Variants in MINPP1 observed in about 807,000 individuals in gnomAD.
The protein encoded by MINPP1 is multiple inositol-polyphosphate phosphatase 1, also known as multiple inositol polyphosphate phosphatase 1.
A neutral mutation model predicts 46.1 loss-of-function variants in MINPP1; 28 were observed. The ratio of observed to expected loss-of-function variants is 0.61; its 90% CI spans 0.45 to 0.83. The LOEUF (loss-of-function observed/expected upper bound fraction) is 0.83. MINPP1 is among the 40% of genes least tolerant of loss of function. The pLI, the probability that MINPP1 is intolerant of heterozygous loss-of-function variation, is 0.00. For missense variants in MINPP1, 603 were observed against 610.0 expected (o/e 0.99, Z 0.12); for synonymous variants, 268 against 249.1 (o/e 1.08, Z -0.72).
intron 4 of MINPP1, among the ~76,000 whole-genome samples, chr10:87,534,133 A>G (rs1047087391): frequency 1.4e-5 from 2 of 138,614 alleles, no homozygotes; most frequent in Admixed American, 8.3e-5. Flanking sequence ...GCTCACTGCA[A>G]CCTCTACCTC....
At chr10:87,516,890 G>A (rs1013964880) in intron 3 of MINPP1, among the ~76,000 whole-genome samples, 1 of 152,082 alleles carries the variant, frequency 6.6e-6, no homozygotes, top group Admixed American at 6.6e-5. Context: ...CTAAGAAACA[G>A]TTTAGCTTTA....
At chr10:87,541,705 T>C (rs1851817755) in intron 4 of MINPP1, among the ~76,000 whole-genome samples, 1 of 152,138 alleles carries the variant, frequency 6.6e-6, no homozygotes, top group Non-Finnish European at 1.5e-5. Context: ...CTTACAGTCA[T>C]GGTGGAAGAG....
intron 3 of MINPP1, 50 bp downstream of exon 3, chr10:87,513,271 GGCTT>G (rs778659368): frequency 9.2e-6 from 13 of 1,405,882 alleles, no homozygotes; most frequent in Non-Finnish European, 1.2e-5. Flanking sequence ...AATTTTTTTT[GGCTT>G]GCTTGTTTGC....
chr10:87,523,839 A>T (rs1275362416), intron 4 of MINPP1, among the ~76,000 whole-genome samples: 1 of 152,204 alleles, frequency 6.6e-6, no homozygotes, highest in Non-Finnish European at 1.5e-5. Context: ...TAATATTTTG[A>T]AAGGAATCTT....
rs776419553 is a variant in MINPP1 at position 87,521,152 on chromosome 10, A to G, written c.1050A>G (p.Ala350=). The change falls in exon 4 of 5, where the codon GCA becomes GCG. Residue 350 remains alanine, a synonymous_variant. Coordinates refer to ENST00000371996, the MANE Select transcript of MINPP1 (RefSeq NM_004897.5). The part of the protein sequence containing the change: ...FQDIFQHLDK[A]VEQKQRSQPI... ...ATATCTTTCAGCACTTGGACAAAGC[A>G]GTTGAACAGAAACAAAGGTAAGAAC... 14 of 1,611,746 alleles carry G rather than the reference A, an allele frequency of 8.7e-6. No homozygotes were observed. The highest frequency in any genetic ancestry group is 2.2e-5 in the East Asian group (1 of 44,750).
chr10:87,534,839 A>G (rs553923245), intron 4 of MINPP1, among the ~76,000 whole-genome samples: 2 of 152,360 alleles, frequency 1.3e-5, no homozygotes, highest in Admixed American at 6.5e-5. Flanking sequence ...CAGAGATTCT[A>G]TGGAAGAAAT....
intron 2 of MINPP1, among the ~76,000 whole-genome samples, chr10:87,509,912 A>G (rs1041082385): frequency 7.2e-5 from 11 of 152,192 alleles, no homozygotes; most frequent in African/African-American, 2.7e-4. Context: ...ATTTTTTAAA[A>G]CTATGTTTAG....
Position 87,538,676 on chromosome 10 carries a change from A to C in MINPP1, c.1068-13406A>C, listed in dbSNP as rs573672604. 4.6e-5 allele frequency among the ~76,000 whole-genome samples: 7 copies of C among 152,300 alleles called. No homozygotes were observed. In the South Asian group the frequency reaches 8.3e-4, roughly 18 times the overall value. ...ATTAGATGTGGAAGACTTAACAACAAATTTTTTTCTGGTAATTTTCTTCCC... is the reference window on the plus strand; with the variant it reads ...ATTAGATGTGGAAGACTTAACAACACATTTTTTTCTGGTAATTTTCTTCCC... On this transcript the variant is annotated intron_variant, in intron 4 of 4. Transcript: ENST00000371996.
intron 2 of MINPP1, among the ~76,000 whole-genome samples, chr10:87,511,546 A>G (rs1719819299): frequency 6.6e-6 from 1 of 152,208 alleles, no homozygotes; most frequent in Non-Finnish European, 1.5e-5. Context: ...GTCATAACAG[A>G]TAAGTCAGAG....
chr10:87,507,879 GTAAAGTAA>G, intron 1 of MINPP1: 1 of 1,098,108 alleles, frequency 9.1e-7, no homozygotes, highest in Non-Finnish European at 1.1e-6. Flanking sequence ...CAGAATCTTT[GTAAAGTAA>G]TACAGAGTTG....
intron 2 of MINPP1, among the ~76,000 whole-genome samples, chr10:87,512,136 C>G (rs1210574999): frequency 1.3e-5 from 2 of 152,088 alleles, no homozygotes; most frequent in Non-Finnish European, 2.9e-5. Flanking sequence ...AAATATCACC[C>G]ACTTCTCATT....
intron 4 of MINPP1, among the ~76,000 whole-genome samples, chr10:87,530,157 C>CT (rs1040515800): frequency 1.3e-5 from 2 of 152,170 alleles, no homozygotes; most frequent in African/African-American, 4.8e-5. Context: ...GAACATCCTC[C>CT]TTTAGCTCAC....
At chr10:87,549,949 G>A (rs1294583847) in intron 4 of MINPP1, among the ~76,000 whole-genome samples, 1 of 152,090 alleles carries the variant, frequency 6.6e-6, no homozygotes, top group East Asian at 1.9e-4. Context: ...TGTTAGTTTA[G>A]ACTTGAATAT....
chr10:87,505,561 C>G lies in MINPP1; in HGVS notation c.637+9C>G, dbSNP rs763480512. 2 of 1,596,146 alleles carry G rather than the reference C, an allele frequency of 1.3e-6. No individual in the cohort carries two copies. The highest frequency in any genetic ancestry group is 2.7e-5 in the African/African-American group (2 of 74,694). On this transcript the variant is annotated intron_variant, in intron 1 of 4. Coordinates refer to ENST00000371996, the MANE Select transcript of MINPP1 (RefSeq NM_004897.5). The surrounding 1 kb of genome is among the most constrained non-coding windows in gnomAD (Gnocchi z 4.4). ...GCCGCCGGACGTCGCAGGTGACCCC[C>G]CGGGCGGCCCGTGTGCTGTCCCGGT...
chr10:87,509,183 G>A (rs1196863864), intron 2 of MINPP1, among the ~76,000 whole-genome samples: 1 of 152,176 alleles, frequency 6.6e-6, no homozygotes, highest in African/African-American at 2.4e-5. Context: ...AAGAAAATAA[G>A]ATTTTTTTCT....
rs539516508 is a variant in MINPP1 at position 87,544,915 on chromosome 10, A to G, written c.1068-7167A>G. Among the ~76,000 whole-genome samples, 27 of 152,288 alleles carry G rather than the reference A, an allele frequency of 1.8e-4. No individual in the cohort carries two copies. In the South Asian group the frequency reaches 3.5e-3, roughly 20 times the overall value. On this transcript the variant is annotated intron_variant, in intron 4 of 4. Coordinates refer to ENST00000371996, the MANE Select transcript of MINPP1 (RefSeq NM_004897.5). ...TTAGTGATTTATATTCTGAGATGTT[A>G]TGTAATGGAAATACTTTTGAGATAA...
chr10:87,524,121 A>G (rs1226149236), intron 4 of MINPP1, among the ~76,000 whole-genome samples: 1 of 152,228 alleles, frequency 6.6e-6, no homozygotes, highest in Non-Finnish European at 1.5e-5. Context: ...ATCTTCTTCC[A>G]AAAGAAGGCT....
intron 4 of MINPP1, among the ~76,000 whole-genome samples, chr10:87,529,354 TC>T (rs1479027724): frequency 2.0e-5 from 3 of 152,208 alleles, no homozygotes; most frequent in Admixed American, 2.0e-4. Context: ...TACCGGTTGT[TC>T]CTTTCCATGT....
chr10:87,526,373 C>T (rs1355671539), intron 4 of MINPP1, among the ~76,000 whole-genome samples: 2 of 152,088 alleles, frequency 1.3e-5, no homozygotes, highest in Non-Finnish European at 1.5e-5. Context: ...TTCATATCCA[C>T]CCACTTTTTG....
Sources: allele counts gnomAD v4.1 joint callset (sites outside exome capture counted in the v4.1 genomes callset), GRCh38; gene constraint gnomAD v4.1.1; non-coding constraint Gnocchi (gnomAD v3.1); transcripts MANE v1.5; gene names NCBI Gene and HGNC (gene_info 2026-07-23, HGNC 2026-07-21).